The following ZNF385D variants were observed in gnomAD, a reference collection of about 807,000 sequenced individuals.
The protein encoded by ZNF385D is zinc finger protein 659.
A neutral mutation model predicts 35.8 loss-of-function variants in ZNF385D; 15 were observed. The observed-to-expected ratio is 0.42, with a 90% CI of 0.28 to 0.64. The LOEUF is 0.64. ZNF385D is among the 30% of genes least tolerant of loss of function. The pLI, the probability that ZNF385D is intolerant of heterozygous loss-of-function variation, is 0.23. For synonymous variants in ZNF385D, 212 were observed against 186.8 expected, an observed-to-expected ratio of 1.13 and a Z score of -1.10; for missense variants, 474 against 494.6, an observed-to-expected ratio of 0.96 and a Z score of 0.39.
intron 1 of ZNF385D, among the ~76,000 whole-genome samples, chr3:21,748,021 T>G (rs1484317970): frequency 6.6e-6 from 1 of 152,174 alleles, no homozygotes; most frequent in South Asian, 2.1e-4. Context: ...GTGAACCTTA[T>G]ATTTAACTCC....
chr3:22,074,932 C>A (rs181285887), intron 3 of ZNF385D, among the ~76,000 whole-genome samples: 164 of 151,962 alleles, frequency 1.1e-3, no homozygotes, highest in African/African-American at 3.7e-3. Flanking sequence ...ACCAAGAAAC[C>A]TGAATCAGAA....
intron 4 of ZNF385D, among the ~76,000 whole-genome samples, chr3:21,479,818 A>T (rs1704491486): frequency 1.3e-5 from 2 of 152,202 alleles, no homozygotes; most frequent in South Asian, 4.1e-4. Context: ...ACTTGATTTG[A>T]CAGAAATGCA....
chr3:21,968,725 A>G (rs1703055193), intron 3 of ZNF385D, among the ~76,000 whole-genome samples: 1 of 152,214 alleles, frequency 6.6e-6, no homozygotes, highest in Non-Finnish European at 1.5e-5. Context: ...GTAGCCAGGC[A>G]GTACTTGCCG....
chr3:22,165,258 G>C (rs1033494974), intron 3 of ZNF385D, among the ~76,000 whole-genome samples: 3 of 152,308 alleles, frequency 2.0e-5, no homozygotes, highest in East Asian at 3.9e-4. Context: ...TGAAGGAGGG[G>C]ATATATGGGA....
At chr3:21,799,316 T>C (rs545369239) in intron 3 of ZNF385D, among the ~76,000 whole-genome samples, 1 of 152,300 alleles carries the variant, frequency 6.6e-6, no homozygotes, top group East Asian at 1.9e-4. Context: ...AAGAGTGGAA[T>C]TGCCAAGTCA....
In ZNF385D at chr3:21,723,315, C is replaced by T. The variant is rs563065583; in HGVS notation, c.22+27580G>A. On this transcript the variant is annotated intron_variant, in intron 1 of 7. Transcript: ENST00000281523. The stretch of plus-strand genomic sequence containing the variant: ...TGGAGAATAAGTTTGACAAATTGAC[C>T]GAAGTATGCTTCAGAAGGTGGGTAA... Among the ~76,000 whole-genome samples the T allele has an allele frequency of 6.6e-5, 10 of 152,158 alleles. No individual in the cohort carries two copies. The East Asian group carries it at 1.7e-3, about 27-fold the overall frequency.
intron 4 of ZNF385D, among the ~76,000 whole-genome samples, chr3:21,459,030 G>T (rs1703002971): frequency 6.6e-6 from 1 of 152,082 alleles, no homozygotes; most frequent in African/African-American, 2.4e-5. Flanking sequence ...TTTGTTTCTT[G>T]TTTACTATGA....
At chr3:22,264,740 A>G (rs1378985956) in intron 2 of ZNF385D, among the ~76,000 whole-genome samples, 6 of 152,030 alleles carry the variant, frequency 3.9e-5, no homozygotes, top group South Asian at 2.1e-4. Flanking sequence ...TACTTGTTGC[A>G]TGATCTAATG....
chr3:21,916,949 C>G (rs1024702010), intron 3 of ZNF385D, among the ~76,000 whole-genome samples: 1 of 152,154 alleles, frequency 6.6e-6, no homozygotes, highest in African/African-American at 2.4e-5. Context: ...TTAGCTCCCC[C>G]ACACTCCCAC....
intron 3 of ZNF385D, among the ~76,000 whole-genome samples, chr3:21,934,526 A>G (rs1410606545): frequency 6.6e-6 from 1 of 152,214 alleles, no homozygotes; most frequent in East Asian, 1.9e-4. Context: ...GCTTTTTACC[A>G]GATGACCTCT....
intron 3 of ZNF385D, among the ~76,000 whole-genome samples, chr3:21,872,472 A>G (rs1515458): frequency 0.25 from 37,272 of 152,130 alleles, 4,786 homozygotes; most frequent in Middle Eastern, 0.41. Context: ...ATAAGCAAAT[A>G]AAAACATATT....
intron 2 of ZNF385D, among the ~76,000 whole-genome samples, chr3:22,178,647 A>C (rs1695000549): frequency 6.6e-6 from 1 of 152,140 alleles, no homozygotes; most frequent in Non-Finnish European, 1.5e-5. Context: ...TTAGACATGA[A>C]GTCCTTGCCC....
chr3:22,145,119 G>T (rs1269949919), intron 3 of ZNF385D, among the ~76,000 whole-genome samples: 2 of 151,892 alleles, frequency 1.3e-5, no homozygotes, highest in African/African-American at 4.8e-5. Context: ...ACATACATTT[G>T]TATATATAAA....
At chr3:21,534,287 G>A (rs1475925615) in intron 3 of ZNF385D, among the ~76,000 whole-genome samples, 3 of 151,994 alleles carry the variant, frequency 2.0e-5, no homozygotes, top group African/African-American at 7.2e-5. Flanking sequence ...TAGACTAGGT[G>A]CAAAACTGAA....
At chr3:21,591,216 C>G (rs946283296) in intron 2 of ZNF385D, among the ~76,000 whole-genome samples, 9 of 151,986 alleles carry the variant, frequency 5.9e-5, no homozygotes, top group African/African-American at 2.2e-4. Flanking sequence ...TCATGAGGTT[C>G]CTCATACTTT....
At position 21,425,486 on chromosome 3, in the gene ZNF385D, G is replaced by GT. The variant is rs1197000033; in HGVS notation, c.852+5dup. 5 of 1,588,548 alleles carry GT rather than the reference G, an allele frequency of 3.1e-6. No homozygotes were observed. Among genetic ancestry groups the GT allele is most frequent in the Non-Finnish European group, 4.3e-6 (5 of 1,165,398 alleles). ...GGTTTTCATTCCTAGAATACGTGCT[G>GT]TTTACCTGTTTAAGTTGCGTTTCCG... On this transcript the variant is annotated splice_donor_region_variant and intron_variant, in intron 6 of 7. Transcript: ENST00000281523.
chr3:22,047,185 G>A (rs1315335568), intron 3 of ZNF385D, among the ~76,000 whole-genome samples: 1 of 152,046 alleles, frequency 6.6e-6, no homozygotes, highest in African/African-American at 2.4e-5. Flanking sequence ...ATTGTAGAAT[G>A]GCTAAATCAA....
chr3:21,645,804 ATT>A (rs1327989464), intron 2 of ZNF385D, among the ~76,000 whole-genome samples: 17 of 152,108 alleles, frequency 1.1e-4, no homozygotes, highest in African/African-American at 3.9e-4. Context: ...TTTCTCCCTC[ATT>A]ACTAAGTCAC....
chr3:21,802,143 C>T (rs1414901351), intron 3 of ZNF385D, among the ~76,000 whole-genome samples: 1 of 152,006 alleles, frequency 6.6e-6, no homozygotes, highest in Non-Finnish European at 1.5e-5. Flanking sequence ...TGCATAAAAT[C>T]TAATTAATGG....
Sources: allele counts gnomAD v4.1 joint callset (sites outside exome capture counted in the v4.1 genomes callset), GRCh38; gene constraint gnomAD v4.1.1; transcripts MANE v1.5; gene names NCBI Gene and HGNC (gene_info 2026-07-23, HGNC 2026-07-21).